The following DPYD variants were observed in gnomAD, a reference collection of about 807,000 sequenced individuals.
DPYD encodes the protein dihydropyrimidine dehydrogenase.
In DPYD, 109 loss-of-function variants were observed where a neutral mutation model predicts 116.2. That is an observed-to-expected ratio of 0.94 (90% CI 0.80 to 1.10). The LOEUF is 1.10. DPYD is among the 50% of genes least tolerant of loss of function. The pLI is 0.00. For missense variants in DPYD, 1,302 were observed against 1,254.5 expected (o/e 1.04, Z -0.57); for synonymous variants, 440 against 432.0 (o/e 1.02, Z -0.23).
intron 1 of DPYD, among the ~76,000 whole-genome samples, chr1:97,907,815 T>C (rs889578778): frequency 2.0e-5 from 3 of 152,046 alleles, no homozygotes; most frequent in Admixed American, 1.3e-4. Context: ...TGGGCTGCCA[T>C]TAAAAAAATT....
chr1:97,618,377 CTTT>C (rs71758165), intron 8 of DPYD, among the ~76,000 whole-genome samples: 3 of 136,360 alleles, frequency 2.2e-5, no homozygotes, highest in African/African-American at 2.7e-5. Flanking sequence ...GATTTTTTTT[CTTT>C]TTTTTTTTTT....
chr1:97,844,967 G>C (rs1670220052), intron 2 of DPYD, among the ~76,000 whole-genome samples: 2 of 152,224 alleles, frequency 1.3e-5, no homozygotes, highest in African/African-American at 4.8e-5. Context: ...AGTGCTGACA[G>C]GCCAGCTGTC....
chr1:97,124,064 G>A lies in DPYD; in HGVS notation c.2623-25432C>T, dbSNP rs182280007. On this transcript the variant is annotated intron_variant, in intron 20 of 22. Coordinates refer to ENST00000370192, the MANE Select transcript of DPYD (RefSeq NM_000110.4). Reference sequence around the variant, plus strand: ...TTTGCTTCATTAAACAACTTTGGAAGGAGTATTTTGCACTCTCAATTTTTG... The same window carrying A: ...TTTGCTTCATTAAACAACTTTGGAAAGAGTATTTTGCACTCTCAATTTTTG... 1.4e-4 allele frequency among the ~76,000 whole-genome samples: 21 copies of A among 152,176 alleles called. 1 individual carries two copies. The East Asian group carries it at 3.5e-3, about 25-fold the overall frequency.
chr1:97,228,011 T>C (rs965256400), intron 19 of DPYD, among the ~76,000 whole-genome samples: 2 of 151,944 alleles, frequency 1.3e-5, no homozygotes, highest in Non-Finnish European at 2.9e-5. Context: ...ATATTATCTT[T>C]ACAATGAAGT....
chr1:97,201,299 T>C (rs1427750158), intron 19 of DPYD, among the ~76,000 whole-genome samples: 1 of 152,162 alleles, frequency 6.6e-6, no homozygotes, highest in Non-Finnish European at 1.5e-5. Flanking sequence ...GTTATGCAGT[T>C]TCTAATTCTA....
At chr1:97,439,072 T>C (rs549617377) in intron 14 of DPYD, among the ~76,000 whole-genome samples, 1 of 152,262 alleles carries the variant, frequency 6.6e-6, no homozygotes, top group South Asian at 2.1e-4. Context: ...CTGAGATTTT[T>C]CCCATTTTAA....
intron 14 of DPYD, among the ~76,000 whole-genome samples, chr1:97,441,444 T>C (rs1675790681): frequency 6.6e-6 from 1 of 152,128 alleles, no homozygotes; most frequent in African/African-American, 2.4e-5. Flanking sequence ...TTTATTGTTA[T>C]ATTTTTAAGG....
At chr1:97,169,583 T>C (rs944253781) in intron 20 of DPYD, among the ~76,000 whole-genome samples, 1 of 132,058 alleles carries the variant, frequency 7.6e-6, no homozygotes, top group African/African-American at 2.8e-5. Context: ...TTGCTCTTGT[T>C]GCCCAGGGTG....
chr1:97,091,557 G>A (rs558573485), intron 21 of DPYD, among the ~76,000 whole-genome samples: 11 of 152,260 alleles, frequency 7.2e-5, no homozygotes, highest in East Asian at 1.9e-4. Flanking sequence ...GAATGTGGCC[G>A]TTAATATCAA....
intron 10 of DPYD, among the ~76,000 whole-genome samples, chr1:97,578,449 T>C (rs1346936172): frequency 2.6e-5 from 4 of 152,120 alleles, no homozygotes; most frequent in East Asian, 1.9e-4. Context: ...ACACTGCTGC[T>C]TGCTGGCCTC....
chr1:97,497,250 T>C (rs1461544380), intron 13 of DPYD, among the ~76,000 whole-genome samples: 2 of 152,064 alleles, frequency 1.3e-5, no homozygotes, highest in East Asian at 1.9e-4. Context: ...GCTAGGAATA[T>C]TTATTCATTT....
chr1:97,715,179 G>A (rs1571236660), intron 5 of DPYD, among the ~76,000 whole-genome samples: 1 of 151,986 alleles, frequency 6.6e-6, no homozygotes, highest in African/African-American at 2.4e-5. Flanking sequence ...TACCTGGTTT[G>A]CATGCCCTCA....
At chr1:97,783,485 C>G (rs1349110606) in intron 3 of DPYD, among the ~76,000 whole-genome samples, 1 of 145,928 alleles carries the variant, frequency 6.9e-6, no homozygotes, top group East Asian at 2.0e-4. Context: ...ACCTCCACCT[C>G]CTGGATTCAA....
intron 13 of DPYD, among the ~76,000 whole-genome samples, chr1:97,510,859 G>A (rs997503642): frequency 5.3e-5 from 8 of 151,922 alleles, no homozygotes; most frequent in South Asian, 2.1e-4. Flanking sequence ...AACACTACTA[G>A]CCTTGTGAAG....
chr1:97,803,877 G>T (rs569987789), intron 3 of DPYD, among the ~76,000 whole-genome samples: 2 of 151,890 alleles, frequency 1.3e-5, no homozygotes, highest in South Asian at 4.1e-4. Flanking sequence ...TGAATTTAAA[G>T]TGTTAATTCA....
chr1:97,908,144 C>T (rs1558046511), intron 1 of DPYD, among the ~76,000 whole-genome samples: 2 of 152,006 alleles, frequency 1.3e-5, no homozygotes, highest in Non-Finnish European at 1.5e-5. Context: ...CTCTCAGGCT[C>T]AAGCAATCCT....
chr1:97,538,354 T>C (rs867133512), intron 12 of DPYD, among the ~76,000 whole-genome samples: 1 of 152,194 alleles, frequency 6.6e-6, no homozygotes, highest in East Asian at 1.9e-4. Flanking sequence ...ACACATTCAT[T>C]TCACATAGCC....
chr1:97,588,713 C>T (rs767291343), intron 10 of DPYD, among the ~76,000 whole-genome samples: 1 of 152,086 alleles, frequency 6.6e-6, no homozygotes, highest in Non-Finnish European at 1.5e-5. Context: ...CCCTAAGGAC[C>T]CATGGCTGAG....
intron 3 of DPYD, among the ~76,000 whole-genome samples, chr1:97,807,913 T>C (rs574327742): frequency 1.3e-5 from 2 of 152,232 alleles, no homozygotes; most frequent in South Asian, 4.1e-4. Context: ...CTTTGCACCT[T>C]TGTCAAAGAC....
Sources: allele counts gnomAD v4.1 joint callset (sites outside exome capture counted in the v4.1 genomes callset), GRCh38; gene constraint gnomAD v4.1.1; transcripts MANE v1.5; gene names NCBI Gene and HGNC (gene_info 2026-07-23, HGNC 2026-07-21).